The following TBC1D30 variants were observed in gnomAD, a reference collection of about 807,000 sequenced individuals.
TBC1D30 encodes the protein TBC1 domain family, member 30.
In TBC1D30, 31 loss-of-function variants were observed where a neutral mutation model predicts 63.2. The observed-to-expected ratio is 0.49, with a 90% confidence interval of 0.37 to 0.66. The LOEUF is 0.66. Among genes scored for constraint, TBC1D30 ranks in the 30% least tolerant of loss-of-function variants. The probability of loss-of-function intolerance (pLI) is 0.00; values close to 1 mark genes in which losing one functional copy is unlikely to be tolerated. For synonymous variants in TBC1D30, 307 were observed against 361.5 expected (o/e 0.85, Z 1.71); for missense variants, 810 against 953.6 (o/e 0.85, Z 1.98).
intron 11 of TBC1D30, among the ~76,000 whole-genome samples, chr12:64,871,559 A>G (rs1401724025): frequency 1.3e-5 from 2 of 152,244 alleles, no homozygotes; most frequent in Non-Finnish European, 2.9e-5. Context: ...CAAAAACTGA[A>G]TTTACCTTCC....
chr12:64,864,581 T>G lies in TBC1D30; in HGVS notation c.1039-87T>G, dbSNP rs1441237630. 3.3e-6 allele frequency: 3 copies of G among 912,150 alleles called. No homozygotes were observed. The African/African-American group carries it at 4.9e-5, about 15-fold the overall frequency. 56.5% of individuals were successfully genotyped at this position (912,150 alleles called of 1,614,324 possible). On this transcript the variant is annotated intron_variant, in intron 8 of 11. Coordinates refer to ENST00000539867, the MANE Select transcript of TBC1D30 (RefSeq NM_015279.2). ...CAGTATCTGCCTCTTCACACTCGAC[T>G]TCATAAAACTTTAATGTCTTTCCAG...
chr12:64,828,321 T>G (rs1874544257), intron 2 of TBC1D30, 123 bp from the exon 3 acceptor site: 6 of 698,956 alleles, frequency 8.6e-6, no homozygotes, highest in Non-Finnish European at 1.2e-5. Context: ...AAGCTTTGAC[T>G]GTTTACCCCA....
chr12:64,832,129 G>T lies in TBC1D30; in HGVS notation c.419G>T (p.Arg140Leu). Residue 140 changes from arginine to leucine, a missense_variant, in exon 5 of 12, where the codon CGC becomes CTC. Transcript: ENST00000539867. The part of the protein sequence containing the change: ...MGIQIVKDLH[R>L]TGCSSYCGQE... ...TTCCCTTCCATTTAGGACCTTCACC[G>T]CACAGGCTGTAGTTCTTACTGTGGC... The T allele has an allele frequency of 6.5e-7, 1 of 1,533,908 alleles. No homozygotes were observed. Among genetic ancestry groups the T allele is most frequent in the Non-Finnish European group, 8.7e-7 (1 of 1,145,478 alleles).
intron 4 of TBC1D30, among the ~76,000 whole-genome samples, chr12:64,831,230 G>A (rs959868463): frequency 6.6e-6 from 1 of 152,098 alleles, no homozygotes. Flanking sequence ...TAAGGAGGAA[G>A]TACTAACTAA....
chr12:64,830,124 G>A (rs1472647537), intron 3 of TBC1D30, among the ~76,000 whole-genome samples: 11 of 152,136 alleles, frequency 7.2e-5, no homozygotes, highest in African/African-American at 2.7e-4. Context: ...TATCCCTAAT[G>A]CCTGGATTGC....
chr12:64,829,137 T>A (rs1874622813), intron 3 of TBC1D30, among the ~76,000 whole-genome samples: 1 of 152,060 alleles, frequency 6.6e-6, no homozygotes, highest in Non-Finnish European at 1.5e-5. Context: ...CTATCATAGG[T>A]CTTGGGCTTT....
At chr12:64,812,146 C>G (rs1873252747) in intron 2 of TBC1D30, among the ~76,000 whole-genome samples, 1 of 151,984 alleles carries the variant, frequency 6.6e-6, no homozygotes, top group South Asian at 2.1e-4. Flanking sequence ...TTCTAACTAC[C>G]TAGAATTATC....
chr12:64,867,225 G>A (rs977348160), intron 10 of TBC1D30, among the ~76,000 whole-genome samples: 4 of 152,030 alleles, frequency 2.6e-5, no homozygotes, highest in African/African-American at 7.2e-5. Flanking sequence ...CAGCACTTTG[G>A]GAGGCTGAGG....
intron 1 of TBC1D30, among the ~76,000 whole-genome samples, chr12:64,770,483 C>G (rs1160012458): frequency 1.3e-5 from 2 of 152,198 alleles, no homozygotes; most frequent in Non-Finnish European, 2.9e-5. Flanking sequence ...GCTGTCACCA[C>G]TGCTGCTGCT....
intron 1 of TBC1D30, among the ~76,000 whole-genome samples, chr12:64,775,459 G>T (rs563228058): frequency 6.6e-6 from 1 of 151,862 alleles, no homozygotes; most frequent in South Asian, 2.1e-4. Context: ...ATAGAAAACA[G>T]AAAAAAGCAG....
upstream of TBC1D30, among the ~76,000 whole-genome samples, chr12:64,776,403 CA>C (rs1271400205): frequency 6.6e-6 from 1 of 152,010 alleles, no homozygotes; most frequent in Non-Finnish European, 1.5e-5. Flanking sequence ...CAAATAAACA[CA>C]GTGAAAAATG....
At chr12:64,796,472 A>G (rs1592555881) in intron 2 of TBC1D30, among the ~76,000 whole-genome samples, 1 of 152,092 alleles carries the variant, frequency 6.6e-6, no homozygotes, top group African/African-American at 2.4e-5. Flanking sequence ...GTATTATACT[A>G]TTTATGTTCT....
chr12:64,878,234 A>G lies in TBC1D30; in HGVS notation c.*2446A>G, dbSNP rs562090106. ...GCATGCATTGTACCAAGTAATCACAATGTGAATTGGTCAATTTATGAGCCT... is the reference window on the plus strand; with the variant it reads ...GCATGCATTGTACCAAGTAATCACAGTGTGAATTGGTCAATTTATGAGCCT... On this transcript the variant is annotated 3_prime_UTR_variant, in exon 12 of 12. Transcript: ENST00000539867. The G allele has an allele frequency of 9.5e-6, 3 of 315,854 alleles. No homozygotes were observed. The highest frequency in any genetic ancestry group is 2.2e-5 in the African/African-American group (1 of 46,390). 19.6% of individuals were successfully genotyped at this position (315,854 alleles called of 1,614,324 possible).
At chr12:64,791,022 T>C (rs999705407) in intron 2 of TBC1D30, among the ~76,000 whole-genome samples, 1 of 152,208 alleles carries the variant, frequency 6.6e-6, no homozygotes, top group African/African-American at 2.4e-5. Context: ...AGCCAAAAAG[T>C]AGAAACAATT....
chr12:64,829,727 A>G (rs1036150005), intron 3 of TBC1D30, among the ~76,000 whole-genome samples: 3 of 152,258 alleles, frequency 2.0e-5, no homozygotes, highest in Admixed American at 2.0e-4. Flanking sequence ...ATATTAATTT[A>G]TAAGCCTAAT....
At chr12:64,870,865 G>A in intron 11 of TBC1D30, 57 bp downstream of exon 11, 2 of 1,509,006 alleles carry the variant, frequency 1.3e-6, no homozygotes, top group Admixed American at 3.9e-5. Flanking sequence ...GTAAAATGAA[G>A]AACAAATAAT....
chr12:64,876,222 A>C lies in TBC1D30; in HGVS notation c.*434A>C, dbSNP rs1289366247. On this transcript the variant is annotated 3_prime_UTR_variant, in exon 12 of 12. Coordinates refer to ENST00000539867, the MANE Select transcript of TBC1D30 (RefSeq NM_015279.2). ...AGCTTGCTAGGACAGAAACTGTAAA[A>C]AGAAAGTAAGTTTCTTCGTTACAAA... is the stretch of plus-strand genomic sequence containing the variant. 6.2e-6 allele frequency: 1 copy of C among 160,124 alleles called. No individual in the cohort carries two copies. The highest frequency in any genetic ancestry group is 6.1e-5 in the Admixed American group (1 of 16,368). 9.9% of individuals were successfully genotyped at this position (160,124 alleles called of 1,614,324 possible).
At chr12:64,854,803 G>A (rs377570465) in intron 8 of TBC1D30, among the ~76,000 whole-genome samples, 128 of 152,204 alleles carry the variant, frequency 8.4e-4, no homozygotes, top group African/African-American at 2.9e-3. Flanking sequence ...CCATCATTTA[G>A]TCTTTCTACT....
upstream of TBC1D30, among the ~76,000 whole-genome samples, chr12:64,821,829 C>G (rs926218476): frequency 1.3e-5 from 2 of 152,186 alleles, no homozygotes; most frequent in African/African-American, 4.8e-5. Context: ...GAGCTCGCAG[C>G]AAAAGGTTGG....
Sources: gnomAD v4.1 joint callset for allele counts (sites outside exome capture counted in the v4.1 genomes callset) on GRCh38, gnomAD v4.1.1 for gene constraint, MANE v1.5 for transcripts, NCBI Gene and HGNC (gene_info 2026-07-23, HGNC 2026-07-21) for gene names.